Variants in RGS6 observed in about 807,000 individuals in gnomAD.
The protein encoded by RGS6 is regulator of G-protein signaling 6.
RGS6 carries 30 observed loss-of-function variants against 78.5 expected under a neutral mutation model. The observed-to-expected ratio is 0.38, with a 90% CI of 0.29 to 0.52. RGS6 has a LOEUF of 0.52. Ranked by LOEUF, RGS6 falls within the 20% of genes least tolerant of loss-of-function variation. RGS6 has a pLI of 0.85. For missense variants in RGS6, 495 were observed against 609.7 expected, an observed-to-expected ratio of 0.81 and a Z score of 1.98; for synonymous variants, 206 against 206.0, an observed-to-expected ratio of 1.00 and a Z score of 0.00.
chr14:72,262,148 G>C (rs2058279609), intron 2 of RGS6, among the ~76,000 whole-genome samples: 1 of 152,116 alleles, frequency 6.6e-6, no homozygotes, highest in African/African-American at 2.4e-5. Flanking sequence ...TCCTTTTGGA[G>C]AGCGGTGGAG....
chr14:72,570,714 G>A (rs1343386803), downstream of RGS6, among the ~76,000 whole-genome samples: 1 of 152,208 alleles, frequency 6.6e-6, no homozygotes, highest in South Asian at 2.1e-4. Flanking sequence ...CCAGGGTAGA[G>A]TGAGATAGCC....
intron 2 of RGS6, among the ~76,000 whole-genome samples, chr14:72,177,830 A>G (rs1477294508): frequency 6.6e-6 from 1 of 152,238 alleles, no homozygotes; most frequent in Middle Eastern, 3.2e-3. Context: ...TACTGAGAAA[A>G]GCCCAGTTTA....
chr14:72,544,576 G>A (rs1191920518), intron 17 of RGS6, among the ~76,000 whole-genome samples: 11 of 152,184 alleles, frequency 7.2e-5, no homozygotes, highest in Admixed American at 1.3e-4. Context: ...TTGCCAAGGT[G>A]CTCCTTGGAA....
intron 2 of RGS6, among the ~76,000 whole-genome samples, chr14:72,259,490 T>C (rs1004241282): frequency 5.9e-5 from 9 of 152,192 alleles, no homozygotes; most frequent in African/African-American, 2.2e-4. Context: ...TGAGAATCCC[T>C]GAGAGGATTG....
intron 2 of RGS6, among the ~76,000 whole-genome samples, chr14:72,264,491 T>A (rs1558071): frequency 0.56 from 85,590 of 151,768 alleles, 24,509 homozygotes; most frequent in African/African-American, 0.65. Context: ...ACAACTTATT[T>A]TCCGGGAGAG....
the RGS6 span, among the ~76,000 whole-genome samples, chr14:72,603,711 TA>T: frequency 0.89 from 134,924 of 152,124 alleles, 59,951 homozygotes; most frequent in Non-Finnish European, 0.92. Context: ...AAAACATAGA[TA>T]AGAGGTTGGA....
At chr14:72,206,087 G>T (rs2042641219) in intron 2 of RGS6, among the ~76,000 whole-genome samples, 1 of 151,930 alleles carries the variant, frequency 6.6e-6, no homozygotes, top group Admixed American at 6.6e-5. Context: ...AGAAAACGTT[G>T]GAAACAACTT....
intron 2 of RGS6, among the ~76,000 whole-genome samples, chr14:72,019,294 A>G (rs2087821715): frequency 6.6e-6 from 1 of 152,220 alleles, no homozygotes; most frequent in African/African-American, 2.4e-5. Flanking sequence ...GGTAACTACT[A>G]CAAAGGTCAA....
At chr14:72,382,613 A>G (rs960858685) in intron 3 of RGS6, among the ~76,000 whole-genome samples, 41 of 152,182 alleles carry the variant, frequency 2.7e-4, no homozygotes, top group African/African-American at 9.2e-4. Flanking sequence ...GACTAGAGAA[A>G]CAATTGTGCA....
At chr14:72,465,937 G>A in intron 7 of RGS6, 115 bp downstream of exon 7, 2 of 727,654 alleles carry the variant, frequency 2.7e-6, no homozygotes, top group East Asian at 5.6e-5. Context: ...TTCAGACAGT[G>A]GAAGGGAAGT....
At chr14:71,927,743 C>T (rs552410021), upstream of RGS6, among the ~76,000 whole-genome samples, 2 of 151,628 alleles carry the variant, frequency 1.3e-5, no homozygotes, top group Non-Finnish European at 2.9e-5. Context: ...CTGCAAACTC[C>T]GCCTCCCTGG....
In RGS6 at chr14:72,262,644, T is replaced by C. The variant is rs372709075; in HGVS notation, c.85-89451T>C. ...AGAAAGAGATTCTTAAAAAGTGTTC[T>C]CTTCTGCAAGTTGACATTTCTGAAA... On this transcript the variant is annotated intron_variant, in intron 2 of 17. Transcript: ENST00000553525. Among the ~76,000 whole-genome samples the C allele has an allele frequency of 6.6e-4, 100 of 152,360 alleles. 1 individual carries two copies. Among genetic ancestry groups the C allele is most frequent in the African/African-American group, 2.4e-3 (99 of 41,580 alleles).
At chr14:72,475,830 G>GCACACACACACACACACACACACGCACA (rs1555424335) in intron 10 of RGS6, among the ~76,000 whole-genome samples, 1 of 145,606 alleles carries the variant, frequency 6.9e-6, no homozygotes, top group Admixed American at 6.8e-5. Context: ...AAAAATACAC[G>GCACACACACACACACACACACACGCACA]CACACACACA....
At chr14:72,398,095 T>A (rs573417600) in intron 3 of RGS6, among the ~76,000 whole-genome samples, 4 of 152,228 alleles carry the variant, frequency 2.6e-5, no homozygotes, top group Non-Finnish European at 5.9e-5. Flanking sequence ...TCCCTCTTTT[T>A]CTATTGATTG....
intron 2 of RGS6, chr14:71,990,659 C>T (rs1202682358): frequency 1.8e-5 from 8 of 455,900 alleles, no homozygotes; most frequent in Middle Eastern, 3.2e-4. Flanking sequence ...CTTCTGCCCA[C>T]CCCGTGAAAC....
the RGS6 span, among the ~76,000 whole-genome samples, chr14:72,574,965 C>T: frequency 3.3e-5 from 5 of 151,974 alleles, no homozygotes; most frequent in South Asian, 1.0e-3. Context: ...ATGGAAAGCC[C>T]CTGGTGACTC....
chr14:72,331,472 T>A (rs1188694133), intron 2 of RGS6, among the ~76,000 whole-genome samples: 1 of 152,156 alleles, frequency 6.6e-6, no homozygotes, highest in Non-Finnish European at 1.5e-5. Flanking sequence ...CAGTATTCAG[T>A]GGAGACAATT....
rs113865603 is a variant in RGS6, at chr14:71,999,316, T to A, written c.84+34441T>A. ...GCCTCTCCTCTTACAAGGCTTGTGA[T>A]CTAAAAGAGGAGATAAAATATGTAC... is the stretch of plus-strand genomic sequence containing the variant. On this transcript the variant is annotated intron_variant, in intron 2 of 17. Transcript: ENST00000553525. Among the ~76,000 whole-genome samples the A allele has an allele frequency of 6.5e-3, 985 of 152,346 alleles. 4 individuals are homozygous for A. Among genetic ancestry groups the A allele is most frequent in the Non-Finnish European group, 0.011 (755 of 68,032 alleles).
chr14:72,392,823 A>G (rs1465658580), intron 3 of RGS6, among the ~76,000 whole-genome samples: 1 of 152,116 alleles, frequency 6.6e-6, no homozygotes, highest in Non-Finnish European at 1.5e-5. Context: ...TCCAGGGTCA[A>G]GTGTGCACTT....
Sources: gnomAD v4.1 joint callset for allele counts (sites outside exome capture counted in the v4.1 genomes callset) on GRCh38, gnomAD v4.1.1 for gene constraint, MANE v1.5 for transcripts, NCBI Gene and HGNC (gene_info 2026-07-23, HGNC 2026-07-21) for gene names.